The following KLHL22 variants were observed in gnomAD, a reference collection of about 807,000 sequenced individuals.
The protein encoded by KLHL22 is kelch-like protein 22.
A neutral mutation model predicts 60.7 loss-of-function variants in KLHL22; 18 were observed. The ratio of observed to expected loss-of-function variants is 0.30; its 90% CI spans 0.20 to 0.44. The LOEUF (loss-of-function observed/expected upper bound fraction) is 0.44, where lower values mean the gene tolerates loss of function less well. Among genes scored for constraint, KLHL22 ranks in the 20% least tolerant of loss-of-function variants. The probability of loss-of-function intolerance (pLI) is 1.00; values close to 1 mark genes in which losing one functional copy is unlikely to be tolerated. For synonymous variants in KLHL22, 355 were observed against 354.5 expected (o/e 1.00, Z -0.01); for missense variants, 596 against 852.3 (o/e 0.70, Z 3.74).
chr22:20,490,370 C>T lies in KLHL22; in HGVS notation c.-33-1126G>A, dbSNP rs372315493. ...TGGTAGAGACTACTACACATCTAGGCCATAAGGTACAGCCAATTGCTCCTA... is the reference window on the plus strand; with the variant it reads ...TGGTAGAGACTACTACACATCTAGGTCATAAGGTACAGCCAATTGCTCCTA... On this transcript the variant is annotated intron_variant, in intron 1 of 6. Coordinates refer to ENST00000328879, the MANE Select transcript of KLHL22 (RefSeq NM_032775.4). Among the ~76,000 whole-genome samples, 454 of 152,284 alleles carry T rather than the reference C, an allele frequency of 3.0e-3. 1 individual carries two copies. The highest frequency in any genetic ancestry group is 0.01 in the African/African-American group (425 of 41,558).
intron 2 of KLHL22, chr22:20,483,175 G>A (rs1397103555): frequency 9.4e-6 from 6 of 638,106 alleles, no homozygotes; most frequent in African/African-American, 1.8e-5. Flanking sequence ...TTCTCAAGGA[G>A]TCCAGGTTGA....
chr22:20,476,778 G>A (rs948297207), intron 2 of KLHL22, among the ~76,000 whole-genome samples: 6 of 147,408 alleles, frequency 4.1e-5, no homozygotes, highest in African/African-American at 7.6e-5. Context: ...GCGCAATCTC[G>A]GCTCACTGCA....
chr22:20,459,869 T>C (rs1336983463), intron 4 of KLHL22, among the ~76,000 whole-genome samples: 1 of 152,122 alleles, frequency 6.6e-6, no homozygotes, highest in Admixed American at 6.5e-5. Context: ...GTGCTTAATA[T>C]AATGACAGAC....
chr22:20,462,764 G>A (rs536174292), intron 4 of KLHL22, among the ~76,000 whole-genome samples: 3 of 152,270 alleles, frequency 2.0e-5, no homozygotes, highest in Non-Finnish European at 4.4e-5. Context: ...ATGGCTATGG[G>A]AAAGGTACAA....
intron 1 of KLHL22, among the ~76,000 whole-genome samples, chr22:20,490,782 C>T (rs2146291885): frequency 6.6e-6 from 1 of 152,292 alleles, no homozygotes; most frequent in South Asian, 2.1e-4. Context: ...TCTGATGCCA[C>T]CTCTGATCTG....
chr22:20,454,114 A>G (rs1427572308), intron 5 of KLHL22, among the ~76,000 whole-genome samples: 1 of 152,188 alleles, frequency 6.6e-6, no homozygotes, highest in Non-Finnish European at 1.5e-5. Context: ...AGATCCCTTG[A>G]GACCAGGGGT....
At chr22:20,469,617 G>C (rs1401332358) in intron 3 of KLHL22, among the ~76,000 whole-genome samples, 1 of 152,112 alleles carries the variant, frequency 6.6e-6, no homozygotes, top group Non-Finnish European at 1.5e-5. Flanking sequence ...TCACCATGCA[G>C]GTATGGTGAG....
At chr22:20,444,982 C>T (rs889988552) in intron 6 of KLHL22, among the ~76,000 whole-genome samples, 1 of 152,024 alleles carries the variant, frequency 6.6e-6, no homozygotes, top group South Asian at 2.1e-4. Flanking sequence ...GATGGAGTTT[C>T]ACCATGTTGC....
chr22:20,461,806 T>C (rs1279225588), intron 4 of KLHL22, among the ~76,000 whole-genome samples: 1 of 150,958 alleles, frequency 6.6e-6, no homozygotes, highest in Non-Finnish European at 1.5e-5. Context: ...CTACTAAAAA[T>C]ACAAAAAAAT....
At chr22:20,447,088 G>T (rs1601322266) in intron 5 of KLHL22, among the ~76,000 whole-genome samples, 1 of 152,172 alleles carries the variant, frequency 6.6e-6, no homozygotes, top group Admixed American at 6.6e-5. Flanking sequence ...AATCCTCCGG[G>T]CCTGCTGACC....
intron 6 of KLHL22, among the ~76,000 whole-genome samples, chr22:20,444,311 C>T (rs1188454412): frequency 6.6e-6 from 1 of 152,184 alleles, no homozygotes; most frequent in Non-Finnish European, 1.5e-5. Flanking sequence ...GAAAGATGCC[C>T]TGACCGCACC....
intron 2 of KLHL22, chr22:20,483,015 C>T (rs1309000638): frequency 1.9e-5 from 13 of 684,280 alleles, no homozygotes; most frequent in African/African-American, 5.2e-5. Flanking sequence ...TTCACCAGGG[C>T]GTCCTACTCC....
At chr22:20,450,775 C>T in intron 5 of KLHL22, 2 of 1,331,144 alleles carry the variant, frequency 1.5e-6, no homozygotes, top group Non-Finnish European at 2.2e-6. Context: ...CAGCCTGCTA[C>T]AGTATATGCA....
At chr22:20,477,582 A>G (rs535951503) in intron 2 of KLHL22, among the ~76,000 whole-genome samples, 2 of 152,078 alleles carry the variant, frequency 1.3e-5, no homozygotes, top group Non-Finnish European at 2.9e-5. Context: ...CAGCCTGGGC[A>G]AAAAAGTGAG....
In KLHL22 at chr22:20,464,190, G is replaced by A. The variant is rs150719579; in HGVS notation, c.1112+668C>T. The stretch of plus-strand genomic sequence containing the variant: ...ACTGATGGAGCCAGGCGCATCCTAC[G>A]GACCACAGCAGTCCACAAAACTCTC... On this transcript the variant is annotated intron_variant, in intron 4 of 6. Transcript: ENST00000328879. 2.2e-4 allele frequency among the ~76,000 whole-genome samples: 34 copies of A among 151,838 alleles called. No individual in the cohort carries two copies. In the East Asian group the frequency reaches 6.7e-3, roughly 30 times the overall value.
At position 20,459,845 on chromosome 22, in the gene KLHL22, A is replaced by G. The variant is rs1278588931; in HGVS notation, c.1113-1845T>C. On this transcript the variant is annotated intron_variant, in intron 4 of 6. Coordinates refer to ENST00000328879, the MANE Select transcript of KLHL22 (RefSeq NM_032775.4). ...TCCCCTGCAGAATGGAAACAGGCTA[A>G]CCAGAGCAAATGAGTGCTTAATATA... Among the ~76,000 whole-genome samples, 9 of 152,358 alleles carry G rather than the reference A, an allele frequency of 5.9e-5. 1 individual carries two copies. Among genetic ancestry groups the G allele is most frequent in the Non-Finnish European group, 5.9e-5 (4 of 68,032 alleles).
At chr22:20,470,895 AATAG>A (rs760762380) in intron 3 of KLHL22, among the ~76,000 whole-genome samples, 5 of 152,044 alleles carry the variant, frequency 3.3e-5, no homozygotes, top group Non-Finnish European at 5.9e-5. Context: ...TGGACAGACA[AATAG>A]ATAGATAAAG....
At chr22:20,464,250 T>C (rs1234504122) in intron 4 of KLHL22, among the ~76,000 whole-genome samples, 2 of 152,194 alleles carry the variant, frequency 1.3e-5, no homozygotes, top group Non-Finnish European at 2.9e-5. Context: ...GGGGAAATTG[T>C]GCCAAGTGCG....
intron 4 of KLHL22, among the ~76,000 whole-genome samples, chr22:20,460,917 G>C (rs2053144600): frequency 6.6e-6 from 1 of 152,236 alleles, no homozygotes; most frequent in Admixed American, 6.5e-5. Flanking sequence ...CATTGTGATG[G>C]TAGTGGGAGG....
Sources: gnomAD v4.1 joint callset for allele counts (sites outside exome capture counted in the v4.1 genomes callset) on GRCh38, gnomAD v4.1.1 for gene constraint, MANE v1.5 for transcripts, NCBI Gene and HGNC (gene_info 2026-07-23, HGNC 2026-07-21) for gene names.